Variants in WDR4 observed in about 807,000 individuals in gnomAD.
WDR4 encodes tRNA (guanine-N(7)-)-methyltransferase non-catalytic subunit WDR4.
Under a neutral mutation model 48.6 loss-of-function variants are expected in WDR4, and 47 were observed. The ratio of observed to expected loss-of-function variants is 0.97; its 90% CI spans 0.77 to 1.23. The LOEUF is 1.23. Ranked by LOEUF, WDR4 falls within the 50% of genes most tolerant of loss-of-function variation. WDR4 has a pLI of 0.00. For missense variants in WDR4, 606 were observed against 551.6 expected (o/e 1.10, Z -0.99); for synonymous variants, 268 against 230.0 (o/e 1.17, Z -1.49).
intron 3 of WDR4, among the ~76,000 whole-genome samples, chr21:42,865,618 C>T (rs923754292): frequency 2.0e-5 from 3 of 152,142 alleles, no homozygotes; most frequent in Admixed American, 1.3e-4. Context: ...GAGCCTTACT[C>T]GCAGGCTTGG....
At position 42,876,686 on chromosome 21, in the gene WDR4, C is replaced by T. The variant is rs112786788; in HGVS notation, c.155+16G>A. 53 of 1,611,714 alleles carry T rather than the reference C, an allele frequency of 3.3e-5. 1 individual carries two copies. Among genetic ancestry groups the T allele is most frequent in the African/African-American group, 3.1e-4 (23 of 74,850 alleles). ...ACCATTAAAGCAGGCCCTGAAAAAG[C>T]TTCCCCACATCTCACCCTTTATTTT... On this transcript the variant is annotated intron_variant, in intron 2 of 10. Transcript: ENST00000398208.
intron 3 of WDR4, among the ~76,000 whole-genome samples, chr21:42,865,251 C>A (rs1219293509): frequency 6.6e-6 from 1 of 152,170 alleles, no homozygotes; most frequent in South Asian, 2.1e-4. Flanking sequence ...CGCTCTGGGG[C>A]AAGATTAATC....
intron 6 of WDR4, among the ~76,000 whole-genome samples, chr21:42,857,551 C>T (rs1459173684): frequency 6.6e-6 from 1 of 152,160 alleles, no homozygotes; most frequent in East Asian, 1.9e-4. Context: ...CAATCAAACA[C>T]AAGGCCAGGA....
chr21:42,860,269 G>A (rs1167059054), intron 5 of WDR4, among the ~76,000 whole-genome samples: 1 of 152,222 alleles, frequency 6.6e-6, no homozygotes, highest in Non-Finnish European at 1.5e-5. Flanking sequence ...GACCTGGCCA[G>A]ACAGCTGTCT....
At position 42,873,597 on chromosome 21, in the gene WDR4, G is replaced by A. The variant is rs750262890; in HGVS notation, c.250C>T (p.Arg84Cys). The A allele has an allele frequency of 1.9e-6, 3 of 1,614,162 alleles. No homozygotes were observed. The highest frequency in any genetic ancestry group is 2.5e-6 in the Non-Finnish European group (3 of 1,180,026). Reference protein sequence around the residue: ...SYFALTDDSKRLILFRTKPWQ... With the variant: ...SYFALTDDSKCLILFRTKPWQ... Reference sequence around the variant, plus strand: ...GGTTTTGTACGGAAAAGAATCAGACGCTTACTGTCATCGGTTAAAGCAAAA... The same window carrying A: ...GGTTTTGTACGGAAAAGAATCAGACACTTACTGTCATCGGTTAAAGCAAAA... Residue 84 changes from arginine to cysteine, a missense_variant, in exon 3 of 11, where the codon CGT becomes TGT. Physicochemically the swap from Arg to Cys is radical, Grantham distance 180. Coordinates refer to ENST00000398208, the MANE Select transcript of WDR4 (RefSeq NM_018669.6).
At chr21:42,890,543 AG>A in the WDR4 span, among the ~76,000 whole-genome samples, 1 of 152,242 alleles carries the variant, frequency 6.6e-6, no homozygotes, top group Non-Finnish European at 1.5e-5. Flanking sequence ...CTCAAAAAAA[AG>A]AAGTTTAACT....
At chr21:42,859,598 C>CT in intron 6 of WDR4, 64 bp downstream of exon 6, 1 of 305,686 alleles carries the variant, frequency 3.3e-6, no homozygotes, top group Non-Finnish European at 6.6e-6. Flanking sequence ...CCAGGAGGCG[C>CT]CCACCCCACC....
upstream of WDR4, among the ~76,000 whole-genome samples, chr21:42,882,523 T>C (rs1309330828): frequency 6.6e-6 from 1 of 151,478 alleles, no homozygotes; most frequent in East Asian, 2.0e-4. Flanking sequence ...AGATCACCCA[T>C]TGCATTCCAG....
chr21:42,881,225 A>C (rs975808066), upstream of WDR4, among the ~76,000 whole-genome samples: 2 of 152,128 alleles, frequency 1.3e-5, no homozygotes, highest in African/African-American at 4.8e-5. Context: ...CATTTAAATC[A>C]TTGAGATCAC....
chr21:42,863,656 C>A (rs927181873), intron 3 of WDR4, 60 bp from the exon 4 acceptor site: 1 of 1,542,018 alleles, frequency 6.5e-7, no homozygotes, highest in Non-Finnish European at 8.8e-7. Flanking sequence ...TCCTCGACAG[C>A]CTGGCAGGCC....
intron 8 of WDR4, among the ~76,000 whole-genome samples, chr21:42,854,134 T>C (rs528542488): frequency 6.6e-6 from 1 of 152,152 alleles, no homozygotes; most frequent in African/African-American, 2.4e-5. Flanking sequence ...CCAAATAGAA[T>C]ACCTTTCCTG....
rs553320685 is a variant in WDR4 at position 42,860,582 on chromosome 21, G to A, written c.567-860C>T. Among the ~76,000 whole-genome samples, 63 of 152,308 alleles carry A rather than the reference G, an allele frequency of 4.1e-4. 1 individual carries two copies. Among genetic ancestry groups the A allele is most frequent in the Admixed American group, 1.2e-3 (19 of 15,306 alleles). ...TCTGCTACCTTGGGCTAGCCATCGC[G>A]TGAGCCGGGCCCGGTCCCGCAGCCA... On this transcript the variant is annotated intron_variant, in intron 5 of 10. Coordinates refer to ENST00000398208, the MANE Select transcript of WDR4 (RefSeq NM_018669.6).
chr21:42,869,315 C>G (rs1475686788), intron 3 of WDR4, among the ~76,000 whole-genome samples: 2 of 152,174 alleles, frequency 1.3e-5, no homozygotes, highest in African/African-American at 4.8e-5. Context: ...TTCTACAACC[C>G]CACTCACCAT....
In WDR4 at chr21:42,869,595, T is replaced by C. The variant is rs559087356; in HGVS notation, c.296+3956A>G. On this transcript the variant is annotated intron_variant, in intron 3 of 10. Transcript: ENST00000398208. ...CACTTTGGGAGATGGGCTTATTTTG[T>C]AAAACTAAAGTGTCCAAATATAAAG... Among the ~76,000 whole-genome samples, 6 of 152,040 alleles carry C rather than the reference T, an allele frequency of 3.9e-5. No homozygotes were observed. In the South Asian group the frequency reaches 6.2e-4, roughly 16 times the overall value.
rs1259017915 is a variant in WDR4, at chr21:42,852,323, G to C, written c.977C>G (p.Ser326Cys). Residue 326 changes from serine (S) to cysteine (C), a missense_variant and splice_region_variant, in exon 10 of 11, where the codon TCT becomes TGT. By Grantham distance (112) the Ser-to-Cys change is moderately radical. Coordinates refer to ENST00000398208, the MANE Select transcript of WDR4 (RefSeq NM_018669.6). ...LYRPVGDQWQSVPESTVLKKV... is the reference protein window; with the variant it reads ...LYRPVGDQWQCVPESTVLKKV... ...CTTTAACACGGTGCTCTCAGGAACAGACTGCAGGCGACAAACAGGAAATCT... is the reference window on the plus strand; with the variant it reads ...CTTTAACACGGTGCTCTCAGGAACACACTGCAGGCGACAAACAGGAAATCT... The C allele has an allele frequency of 1.9e-6, 3 of 1,613,858 alleles. No individual in the cohort carries two copies. Among genetic ancestry groups the C allele is most frequent in the East Asian group, 4.5e-5 (2 of 44,902 alleles).
chr21:42,871,602 C>A (rs2058369950), intron 3 of WDR4, among the ~76,000 whole-genome samples: 1 of 152,226 alleles, frequency 6.6e-6, no homozygotes, highest in Non-Finnish European at 1.5e-5. Flanking sequence ...CGATCCACAG[C>A]AGTCAGGTGG....
intron 6 of WDR4, among the ~76,000 whole-genome samples, chr21:42,857,105 A>G (rs1569318957): frequency 6.6e-6 from 1 of 152,116 alleles, no homozygotes; most frequent in African/African-American, 2.4e-5. Context: ...GGAGCTGTCA[A>G]ATGTCTTTAC....
chr21:42,850,898 T>C (rs1051078239), intron 10 of WDR4, among the ~76,000 whole-genome samples: 4 of 152,198 alleles, frequency 2.6e-5, no homozygotes, highest in Non-Finnish European at 4.4e-5. Flanking sequence ...AGCCTCAGCC[T>C]GGCCAGGAAA....
At chr21:42,878,874 G>C in intron 1 of WDR4, 1 of 830,326 alleles carries the variant, frequency 1.2e-6, no homozygotes, top group Non-Finnish European at 1.5e-6. Flanking sequence ...GCCCTAAGGA[G>C]CAATTAAGGC....
Sources: allele counts gnomAD v4.1 joint callset (sites outside exome capture counted in the v4.1 genomes callset), GRCh38; gene constraint gnomAD v4.1.1; transcripts MANE v1.5; gene names NCBI Gene and HGNC (gene_info 2026-07-23, HGNC 2026-07-21).